Variants in ARHGAP32 observed in about 807,000 individuals in gnomAD.
ARHGAP32 encodes rho GTPase-activating protein 32.
Under a neutral mutation model 186.5 loss-of-function variants are expected in ARHGAP32, and 51 were observed. That is an observed-to-expected ratio of 0.27 (90% CI 0.22 to 0.35). ARHGAP32 has a LOEUF of 0.35. ARHGAP32 is among the 10% of genes least tolerant of loss of function. ARHGAP32 has a pLI of 1.00. For synonymous variants in ARHGAP32, 950 were observed against 964.3 expected (o/e 0.99, Z 0.27); for missense variants, 2,186 against 2,623.5 (o/e 0.83, Z 3.64).
At chr11:129,096,184 G>A (rs1390172430) in intron 5 of ARHGAP32, among the ~76,000 whole-genome samples, 1 of 151,654 alleles carries the variant, frequency 6.6e-6, no homozygotes, top group East Asian at 1.9e-4. Flanking sequence ...GAGAGGCAAG[G>A]GTAAAATAAA....
Position 129,163,499 on chromosome 11 carries a change from A to G in ARHGAP32, c.225+820T>C, listed in dbSNP as rs147791126. On this transcript the variant is annotated intron_variant, in intron 2 of 22. Coordinates refer to ENST00000682385, the MANE Select transcript of ARHGAP32 (RefSeq NM_001378024.1). ...ATAAATTCCATTCTTCAGGTTGACG[A>G]AGCCAAAAAACTTGAAGCCATTCTT... Among the ~76,000 whole-genome samples, 68 of 152,316 alleles carry G rather than the reference A, an allele frequency of 4.5e-4. No individual in the cohort carries two copies. The East Asian group carries it at 0.013, about 28-fold the overall frequency.
chr11:129,198,529 A>G (rs1483502592), intron 1 of ARHGAP32, among the ~76,000 whole-genome samples: 9 of 152,186 alleles, frequency 5.9e-5, no homozygotes, highest in African/African-American at 1.4e-4. Context: ...TGATGGTTTT[A>G]TAAGGGGCAC....
chr11:129,204,406 G>C (rs967386928), intron 1 of ARHGAP32, among the ~76,000 whole-genome samples: 6 of 152,024 alleles, frequency 3.9e-5, no homozygotes, highest in African/African-American at 1.4e-4. Context: ...AAATCAATAG[G>C]GGTAAGGCTA....
chr11:129,238,866 A>T (rs1444452867), intron 1 of ARHGAP32, among the ~76,000 whole-genome samples: 1 of 151,782 alleles, frequency 6.6e-6, no homozygotes, highest in Non-Finnish European at 1.5e-5. Context: ...ACAGGGTCTC[A>T]CTCTGTTGCC....
chr11:129,176,486 T>TC (rs1178610276), intron 1 of ARHGAP32, among the ~76,000 whole-genome samples: 6 of 118,424 alleles, frequency 5.1e-5, no homozygotes, highest in South Asian at 2.6e-4. Flanking sequence ...GAATATACAT[T>TC]TTTTCAGCAC....
intron 1 of ARHGAP32, among the ~76,000 whole-genome samples, chr11:129,233,698 A>G (rs1944888357): frequency 6.6e-6 from 1 of 152,030 alleles, no homozygotes; most frequent in South Asian, 2.1e-4. Context: ...TCATACAATG[A>G]AAATATATGT....
chr11:129,205,252 T>G (rs1319546486), intron 1 of ARHGAP32, among the ~76,000 whole-genome samples: 2 of 152,178 alleles, frequency 1.3e-5, no homozygotes, highest in Non-Finnish European at 2.9e-5. Flanking sequence ...AAGTACATTT[T>G]CTGATGCCTC....
chr11:129,266,847 G>A (rs922086978), intron 1 of ARHGAP32, among the ~76,000 whole-genome samples: 16 of 151,978 alleles, frequency 1.1e-4, no homozygotes, highest in African/African-American at 1.9e-4. Context: ...CATCTTGACC[G>A]GGACCCCAAA....
intron 1 of ARHGAP32, among the ~76,000 whole-genome samples, chr11:129,166,826 T>C (rs1201938038): frequency 6.6e-6 from 1 of 151,756 alleles, no homozygotes; most frequent in Non-Finnish European, 1.5e-5. Flanking sequence ...TGGGGAAATA[T>C]AAGTAAATAC....
At chr11:129,113,485 G>A (rs1942282116) in intron 5 of ARHGAP32, among the ~76,000 whole-genome samples, 1 of 151,858 alleles carries the variant, frequency 6.6e-6, no homozygotes, top group Non-Finnish European at 1.5e-5. Context: ...ATATATTTGT[G>A]TATTTTATGG....
chr11:129,244,794 A>G (rs1179877871), intron 1 of ARHGAP32, among the ~76,000 whole-genome samples: 21 of 152,310 alleles, frequency 1.4e-4, no homozygotes, highest in South Asian at 4.1e-4. Flanking sequence ...CAAAGGACAT[A>G]AACAGACACT....
chr11:129,099,781 T>C (rs1318232528), intron 5 of ARHGAP32, among the ~76,000 whole-genome samples: 1 of 151,814 alleles, frequency 6.6e-6, no homozygotes, highest in Non-Finnish European at 1.5e-5. Context: ...GCTGACTAGA[T>C]GCAGCCAGGT....
At chr11:129,006,908 A>T (rs149849236) in intron 11 of ARHGAP32, among the ~76,000 whole-genome samples, 8 of 152,228 alleles carry the variant, frequency 5.3e-5, no homozygotes, top group African/African-American at 1.9e-4. Flanking sequence ...CTGTTGTTCT[A>T]CTATATTGCA....
chr11:129,173,237 A>G (rs1616316), intron 1 of ARHGAP32, among the ~76,000 whole-genome samples: 19,708 of 151,888 alleles, frequency 0.13, 1,379 homozygotes, highest in Non-Finnish European at 0.15. Context: ...CTGGATGCAT[A>G]CACCCTACCA....
intron 10 of ARHGAP32, among the ~76,000 whole-genome samples, chr11:129,056,448 T>G (rs1323190629): frequency 2.0e-5 from 3 of 152,104 alleles, no homozygotes; most frequent in African/African-American, 7.2e-5. Context: ...GGTTTCACCA[T>G]GTTGGCCAGG....
chr11:129,251,592 C>T (rs1945183929), intron 1 of ARHGAP32, among the ~76,000 whole-genome samples: 1 of 151,932 alleles, frequency 6.6e-6, no homozygotes, highest in Non-Finnish European at 1.5e-5. Flanking sequence ...TTTATAACCA[C>T]ATTTATCAAA....
intron 3 of ARHGAP32, 109 bp from the exon 4 acceptor site, chr11:129,124,038 T>C (rs1591634097): frequency 1.6e-6 from 1 of 631,678 alleles, no homozygotes; most frequent in Admixed American, 3.6e-5. Flanking sequence ...TAAAACTGAT[T>C]ACTTTCAGGT....
intron 11 of ARHGAP32, among the ~76,000 whole-genome samples, chr11:128,999,225 G>C (rs962454630): frequency 6.6e-6 from 1 of 152,154 alleles, no homozygotes; most frequent in Non-Finnish European, 1.5e-5. Flanking sequence ...TGGCCGCTCT[G>C]GGAGTGTCTG....
In ARHGAP32 at chr11:128,969,856, T is replaced by A. The variant is rs1476419776; in HGVS notation, c.5357A>T (p.Gln1786Leu). Residue 1786 changes from glutamine to leucine, a missense_variant, in exon 23 of 23, where the codon CAA becomes CTA. By Grantham distance (113) the Gln-to-Leu change is moderately radical. Transcript: ENST00000682385. This position sits in a 1 kb window ranked among gnomAD's most constrained non-coding sequence, Gnocchi z 4.8. ...CACCGCCGGGGTCATGTTATCATAT[T>A]GGGACATGACAGGCCCTTTCACCTT... ...RQKVKGPVMSQYDNMTPAVQD... is the reference protein window; with the variant it reads ...RQKVKGPVMSLYDNMTPAVQD... The A allele has an allele frequency of 2.5e-6, 4 of 1,614,210 alleles. No individual in the cohort carries two copies. The East Asian group carries it at 8.9e-5, about 36-fold the overall frequency.
Sources: gnomAD v4.1 joint callset for allele counts (sites outside exome capture counted in the v4.1 genomes callset) on GRCh38, gnomAD v4.1.1 for gene constraint, Gnocchi (gnomAD v3.1) non-coding constraint, MANE v1.5 for transcripts, NCBI Gene and HGNC (gene_info 2026-07-23, HGNC 2026-07-21) for gene names.